GLYATL2: variants seen among roughly 807,000 people sequenced by gnomAD.
GLYATL2 encodes glycine N-acyltransferase-like protein 2.
GLYATL2 carries 25 observed loss-of-function variants against 21.4 expected under a neutral mutation model. The ratio of observed to expected loss-of-function variants is 1.17; its 90% CI spans 0.85 to 1.63. The LOEUF is 1.63. Ranked by LOEUF, GLYATL2 falls within the 40% of genes most tolerant of loss-of-function variation. The probability of loss-of-function intolerance (pLI) is 0.00; values close to 1 mark genes in which losing one functional copy is unlikely to be tolerated. For missense variants in GLYATL2, 361 were observed against 343.3 expected (o/e 1.05, Z -0.41); for synonymous variants, 114 against 118.2 (o/e 0.96, Z 0.23).
chr11:58,861,937 G>T (rs768993622), intron 1 of GLYATL2, among the ~76,000 whole-genome samples: 3 of 151,990 alleles, frequency 2.0e-5, no homozygotes, highest in Non-Finnish European at 4.4e-5. Context: ...CATGCTTTGT[G>T]TCCTAACATT....
chr11:58,892,430 A>C (rs1854560158), intron 1 of GLYATL2: 1 of 154,456 alleles, frequency 6.5e-6, no homozygotes, highest in African/African-American at 2.4e-5. Context: ...TCATTAGTTG[A>C]ATTAGCATTC....
chr11:58,852,254 C>T (rs1853755399), intron 1 of GLYATL2, among the ~76,000 whole-genome samples: 1 of 152,088 alleles, frequency 6.6e-6, no homozygotes, highest in Admixed American at 6.6e-5. Flanking sequence ...GCAGTAGGGG[C>T]TATTAGATAC....
rs1428854349 is a variant in GLYATL2, at chr11:58,865,841, C to T, written n.61-27473G>A. ...AAATTTGGGGTAGAAAAATGGTGAA[C>T]AAAAGATGAAAGAAAGACAAAGAAA... On this transcript the variant is annotated intron_variant and non_coding_transcript_variant, in intron 1 of 4. Transcript: ENST00000533636. 4.0e-5 allele frequency among the ~76,000 whole-genome samples: 6 copies of T among 148,726 alleles called. 2 individuals are homozygous for T. The South Asian group carries it at 1.3e-3, about 32-fold the overall frequency.
intron 1 of GLYATL2, among the ~76,000 whole-genome samples, chr11:58,877,065 G>C (rs952700539): frequency 9.2e-5 from 14 of 152,200 alleles, no homozygotes; most frequent in Non-Finnish European, 2.1e-4. Flanking sequence ...AGTGAGGCTC[G>C]GTAGGCATAG....
upstream of GLYATL2, among the ~76,000 whole-genome samples, chr11:58,849,558 T>C (rs555838789): frequency 2.0e-5 from 3 of 152,200 alleles, no homozygotes; most frequent in East Asian, 3.9e-4. Flanking sequence ...TACTAAAGTC[T>C]CTCAGTAAAG....
chr11:58,846,726 CTG>C (rs1040458641), upstream of GLYATL2, among the ~76,000 whole-genome samples: 1 of 152,156 alleles, frequency 6.6e-6, no homozygotes, highest in Non-Finnish European at 1.5e-5. Flanking sequence ...CTAAAGTTCT[CTG>C]TGTTTCCAAG....
upstream of GLYATL2, among the ~76,000 whole-genome samples, chr11:58,847,220 C>T (rs1484503267): frequency 1.3e-5 from 2 of 152,132 alleles, no homozygotes; most frequent in Non-Finnish European, 1.5e-5. Context: ...GAGGACCTTG[C>T]GTGAGCATCT....
intron 1 of GLYATL2, among the ~76,000 whole-genome samples, chr11:58,856,634 G>A (rs1378583223): frequency 6.6e-6 from 1 of 152,090 alleles, no homozygotes. Context: ...TTGTGTCTCA[G>A]GGAATAGTGA....
chr11:58,902,832 T>G (rs1854763135), intron 1 of GLYATL2, among the ~76,000 whole-genome samples: 8 of 152,226 alleles, frequency 5.3e-5, no homozygotes. Context: ...CTGGACAACT[T>G]CCACAGCCCC....
chr11:58,878,473 G>A (rs971207947), intron 1 of GLYATL2: 10 of 243,996 alleles, frequency 4.1e-5, no homozygotes, highest in African/African-American at 2.1e-4. Context: ...AACTGGGTTT[G>A]GAGTTGCAAC....
At chr11:58,904,444 C>G (rs1043412631), upstream of GLYATL2, among the ~76,000 whole-genome samples, 7 of 152,190 alleles carry the variant, frequency 4.6e-5, no homozygotes, top group African/African-American at 1.7e-4. Flanking sequence ...AGGGAAAATT[C>G]TCTATCTCCA....
chr11:58,876,678 G>T (rs1253729890), intron 1 of GLYATL2, among the ~76,000 whole-genome samples: 2 of 152,194 alleles, frequency 1.3e-5, no homozygotes, highest in Non-Finnish European at 2.9e-5. Context: ...ACCTGGCTGT[G>T]TGAGGTGTCT....
At chr11:58,845,484 T>C (rs1240207195), upstream of GLYATL2, among the ~76,000 whole-genome samples, 1 of 152,002 alleles carries the variant, frequency 6.6e-6, no homozygotes, top group African/African-American at 2.4e-5. Flanking sequence ...GTGTCTATAG[T>C]CCCAACTACT....
At chr11:58,863,333 C>T (rs1853965613) in intron 1 of GLYATL2, among the ~76,000 whole-genome samples, 1 of 152,128 alleles carries the variant, frequency 6.6e-6, no homozygotes, top group East Asian at 1.9e-4. Context: ...AATCTGAGTC[C>T]ATGGGGACTG....
chr11:58,886,684 A>G (rs1854446991), intron 1 of GLYATL2, among the ~76,000 whole-genome samples: 1 of 152,212 alleles, frequency 6.6e-6, no homozygotes, highest in South Asian at 2.1e-4. Flanking sequence ...TGAAATAGTA[A>G]TACAAACCTA....
chr11:58,840,027 C>A (rs1387255032), intron 1 of GLYATL2, among the ~76,000 whole-genome samples: 2 of 152,044 alleles, frequency 1.3e-5, no homozygotes, highest in Non-Finnish European at 2.9e-5. Context: ...GCCCACCACC[C>A]CCAAGCATTG....
At chr11:58,867,916 G>A (rs1019496452) in intron 1 of GLYATL2, among the ~76,000 whole-genome samples, 1 of 148,784 alleles carries the variant, frequency 6.7e-6, no homozygotes, top group Non-Finnish European at 1.5e-5. Context: ...GAAGGCATAG[G>A]GGCCTAGTTC....
At chr11:58,889,105 A>T (rs1220725149) in intron 1 of GLYATL2, among the ~76,000 whole-genome samples, 5 of 151,812 alleles carry the variant, frequency 3.3e-5, no homozygotes, top group African/African-American at 9.7e-5. Context: ...GTGATTTTCC[A>T]TTAAGTTTAC....
At chr11:58,887,750 G>A (rs987021425) in intron 1 of GLYATL2, among the ~76,000 whole-genome samples, 1 of 152,050 alleles carries the variant, frequency 6.6e-6, no homozygotes, top group Non-Finnish European at 1.5e-5. Context: ...CTTGCTGTTG[G>A]GTTCAAATTG....
Sources: gnomAD v4.1 joint callset for allele counts (sites outside exome capture counted in the v4.1 genomes callset) on GRCh38, gnomAD v4.1.1 for gene constraint, MANE v1.5 for transcripts, NCBI Gene and HGNC (gene_info 2026-07-23, HGNC 2026-07-21) for gene names.